TEK: variants seen among roughly 807,000 people sequenced by gnomAD.
The protein encoded by TEK is TEK receptor tyrosine kinase, also known as angiopoietin-1 receptor.
A neutral mutation model predicts 131.8 loss-of-function variants in TEK; 43 were observed. The observed-to-expected ratio is 0.33, with a 90% CI of 0.26 to 0.42. TEK has a LOEUF of 0.42. Among genes scored for constraint, TEK ranks in the 10% least tolerant of loss-of-function variants. The pLI is 1.00. For synonymous variants in TEK, 580 were observed against 491.6 expected, an observed-to-expected ratio of 1.18 and a Z score of -2.38; for missense variants, 1,162 against 1,384.4, an observed-to-expected ratio of 0.84 and a Z score of 2.55.
chr9:27,199,338 T>C (rs917314814), intron 12 of TEK, among the ~76,000 whole-genome samples: 5 of 152,222 alleles, frequency 3.3e-5, no homozygotes, highest in African/African-American at 1.2e-4. Flanking sequence ...GCAATGCCCA[T>C]TCTTATGCAT....
rs545527214 is a variant in TEK at position 27,189,882 on chromosome 9, T to G, written c.1328-647T>G. 1.8e-3 allele frequency among the ~76,000 whole-genome samples: 274 copies of G among 152,192 alleles called. 1 individual carries two copies. The highest frequency in any genetic ancestry group is 6.6e-3 in the African/African-American group (272 of 41,516). On this transcript the variant is annotated intron_variant, in intron 9 of 22. Coordinates refer to ENST00000380036, the MANE Select transcript of TEK (RefSeq NM_000459.5). Reference sequence around the variant, plus strand: ...GAGATATATATATATAGAGAGAGAATGAATTATGATCTAGAAGAAAGACCA... The same window carrying G: ...GAGATATATATATATAGAGAGAGAAGGAATTATGATCTAGAAGAAAGACCA...
At chr9:27,158,185 AAC>A in intron 2 of TEK, 43 bp downstream of exon 2, 1 of 1,610,380 alleles carries the variant, frequency 6.2e-7, no homozygotes, top group Non-Finnish European at 8.5e-7. Flanking sequence ...CCCACTGAGG[AAC>A]ACACACACCT....
At chr9:27,137,686 T>A (rs1822527868) in intron 1 of TEK, among the ~76,000 whole-genome samples, 5 of 152,220 alleles carry the variant, frequency 3.3e-5, no homozygotes, top group Admixed American at 3.3e-4. Flanking sequence ...TAACAAGATT[T>A]ACTTCGTTTT....
At chr9:27,180,073 A>G (rs565217505) in intron 6 of TEK, among the ~76,000 whole-genome samples, 167 bp from the exon 7 acceptor site, 18 of 152,200 alleles carry the variant, frequency 1.2e-4, no homozygotes, top group Non-Finnish European at 2.5e-4. Flanking sequence ...TTGGAAGCAT[A>G]ACTCCCCAGC....
intron 21 of TEK, among the ~76,000 whole-genome samples, chr9:27,222,180 G>A (rs959635468): frequency 6.6e-6 from 1 of 152,082 alleles, no homozygotes; most frequent in Non-Finnish European, 1.5e-5. Flanking sequence ...CAAGATTAGA[G>A]AAAAAATAAT....
Position 27,185,605 on chromosome 9 carries a change from A to G in TEK, c.1303A>G (p.Lys435Glu), listed in dbSNP as rs372461928. The stretch of plus-strand genomic sequence containing the variant: ...GAACACAGTGGCTGGGATGGTGGAA[A>G]AGCCCTTCAACATTTCTGTTAAAGG... ...SVNTVAGMVE[K>E]PFNISVKVLP... Residue 435 changes from lysine (K) to glutamate (E), a missense_variant, in exon 9 of 23, where the codon AAG becomes GAG. This residue lies in a region of TEK where 477 missense variants were observed against 471.0 expected (regional missense o/e 1.01). Transcript: ENST00000380036. 6.2e-7 allele frequency: 1 copy of G among 1,613,794 alleles called. No homozygotes were observed. The highest frequency in any genetic ancestry group is 1.7e-5 in the Admixed American group (1 of 59,968).
intron 2 of TEK, among the ~76,000 whole-genome samples, chr9:27,166,268 G>C (rs1587541502): frequency 6.6e-6 from 1 of 152,192 alleles, no homozygotes; most frequent in Admixed American, 6.5e-5. Context: ...CAATGTTCTG[G>C]TAAATAATGT....
chr9:27,203,609 A>C (rs766051042), intron 13 of TEK, among the ~76,000 whole-genome samples: 11 of 152,180 alleles, frequency 7.2e-5, no homozygotes, highest in Non-Finnish European at 1.6e-4. Context: ...TTTGAGCTAG[A>C]TAGAGATCCT....
In TEK at chr9:27,168,606, G is replaced by A; in HGVS notation, c.475+1G>A. 6.3e-7 allele frequency: 1 copy of A among 1,586,442 alleles called. No homozygotes were observed. The highest frequency in any genetic ancestry group is 8.7e-7 in the Non-Finnish European group (1 of 1,155,412). On this transcript the variant is annotated splice_donor_variant, in intron 3 of 22. Transcript: ENST00000380036. LOFTEE classifies it high-confidence loss of function. ...GAAGATGCAGTGATTTACAAAAATG[G>A]TGAGTATGTGTTTCATTGCTTTCCC...
chr9:27,197,208 C>T (rs1435020349), intron 11 of TEK, 107 bp from the exon 12 acceptor site: 5 of 1,261,630 alleles, frequency 4.0e-6, no homozygotes, highest in Non-Finnish European at 5.6e-6. Flanking sequence ...CACCAGGCCC[C>T]ACCTCCAACA....
chr9:27,125,361 G>T (rs1564041149), intron 1 of TEK, among the ~76,000 whole-genome samples: 1 of 152,238 alleles, frequency 6.6e-6, no homozygotes, highest in Non-Finnish European at 1.5e-5. Context: ...AAAAGACAGT[G>T]CTGTTGCCAG....
intron 1 of TEK, among the ~76,000 whole-genome samples, chr9:27,138,912 T>A (rs1261134297): frequency 2.0e-5 from 3 of 152,096 alleles, no homozygotes; most frequent in Non-Finnish European, 4.4e-5. Flanking sequence ...GTAGCAGTTT[T>A]GAAAGTAGGA....
intron 12 of TEK, 38 bp downstream of exon 12, chr9:27,197,637 T>C: frequency 6.2e-7 from 1 of 1,612,044 alleles, no homozygotes; most frequent in Non-Finnish European, 8.5e-7. Context: ...ATCTGAGCAA[T>C]AAGGGGCTAC....
At chr9:27,173,736 G>GTTT (rs1564076198) in intron 6 of TEK, among the ~76,000 whole-genome samples, 1 of 79,584 alleles carries the variant, frequency 1.3e-5, no homozygotes, top group Admixed American at 1.7e-4. Flanking sequence ...TTTTTTTTTT[G>GTTT]GTTTTTTTTT....
intron 1 of TEK, among the ~76,000 whole-genome samples, chr9:27,139,735 G>C (rs538769356): frequency 6.6e-6 from 1 of 152,172 alleles, no homozygotes; most frequent in South Asian, 2.1e-4. Context: ...TGGTTTGAGA[G>C]TATTGTATGG....
chr9:27,141,114 C>T (rs1407302222), intron 1 of TEK, among the ~76,000 whole-genome samples: 1 of 152,096 alleles, frequency 6.6e-6, no homozygotes, highest in African/African-American at 2.4e-5. Context: ...ATTTGTCTTT[C>T]TATAGGTCAC....
At chr9:27,219,328 T>C (rs1825952876) in intron 20 of TEK, among the ~76,000 whole-genome samples, 1 of 152,186 alleles carries the variant, frequency 6.6e-6, no homozygotes, top group African/African-American at 2.4e-5. Flanking sequence ...TGAGTTCGTG[T>C]CCTTTGCAGG....
At chr9:27,228,369 T>C (rs1252709524) in intron 22 of TEK, 64 bp downstream of exon 22, 4 of 1,269,812 alleles carry the variant, frequency 3.2e-6, no homozygotes, top group Admixed American at 1.7e-5. Flanking sequence ...GGGTGGTTCA[T>C]AAAAAACATT....
chr9:27,116,437 TG>T (rs1277954009), intron 1 of TEK, among the ~76,000 whole-genome samples: 3 of 152,150 alleles, frequency 2.0e-5, no homozygotes, highest in African/African-American at 7.2e-5. Context: ...TATAGGCACC[TG>T]CCACCACACC....
Sources: gnomAD v4.1 joint callset for allele counts (sites outside exome capture counted in the v4.1 genomes callset) on GRCh38, gnomAD v4.1.1 for gene constraint, gnomAD v4.1.1 regional missense constraint, MANE v1.5 for transcripts, NCBI Gene and HGNC (gene_info 2026-07-23, HGNC 2026-07-21) for gene names.